SEMA3A: variants seen among roughly 807,000 people sequenced by gnomAD.
SEMA3A encodes the protein semaphorin-3A.
A neutral mutation model predicts 97.9 loss-of-function variants in SEMA3A; 29 were observed. That is an observed-to-expected ratio of 0.30 (90% CI 0.22 to 0.40). SEMA3A has a LOEUF of 0.40. Among genes scored for constraint, SEMA3A ranks in the 10% least tolerant of loss-of-function variants. The pLI, the probability that SEMA3A is intolerant of heterozygous loss-of-function variation, is 1.00. For missense variants in SEMA3A, 763 were observed against 951.3 expected (o/e 0.80, Z 2.60); for synonymous variants, 321 against 323.7 (o/e 0.99, Z 0.09).
At chr7:84,429,910 T>C (rs996539074) in intron 1 of SEMA3A, among the ~76,000 whole-genome samples, 1 of 151,866 alleles carries the variant, frequency 6.6e-6, no homozygotes, top group African/African-American at 2.4e-5. Flanking sequence ...AATACCAACA[T>C]GTTAATCATC....
At chr7:84,475,882 T>C (rs1424274749) in intron 1 of SEMA3A, among the ~76,000 whole-genome samples, 1 of 152,210 alleles carries the variant, frequency 6.6e-6, no homozygotes, top group African/African-American at 2.4e-5. Flanking sequence ...ACTGGTTTTG[T>C]TGTCATGGTA....
intron 1 of SEMA3A, among the ~76,000 whole-genome samples, chr7:84,156,847 TA>T (rs1444570072): frequency 2.6e-5 from 4 of 152,190 alleles, no homozygotes; most frequent in African/African-American, 9.7e-5. Context: ...GAACTCTGTA[TA>T]ACATTATCAA....
At chr7:84,033,094 T>C (rs1389955327) in intron 6 of SEMA3A, among the ~76,000 whole-genome samples, 1 of 152,144 alleles carries the variant, frequency 6.6e-6, no homozygotes, top group Non-Finnish European at 1.5e-5. Flanking sequence ...GTTTTATAAC[T>C]ATTTATTATT....
chr7:84,035,646 G>A (rs1007484247), intron 6 of SEMA3A, among the ~76,000 whole-genome samples: 22 of 151,784 alleles, frequency 1.4e-4, no homozygotes, highest in African/African-American at 4.1e-4. Context: ...ATCATTTTTC[G>A]TGTGGCTTTT....
At chr7:84,209,537 C>T (rs560801604) in intron 3 of SEMA3A, among the ~76,000 whole-genome samples, 4 of 152,082 alleles carry the variant, frequency 2.6e-5, no homozygotes, top group Admixed American at 2.0e-4. Flanking sequence ...AGATAAATTC[C>T]ACCTTCTGTT....
chr7:84,230,444 C>A (rs1279116323), intron 3 of SEMA3A, among the ~76,000 whole-genome samples: 1 of 152,022 alleles, frequency 6.6e-6, no homozygotes, highest in African/African-American at 2.4e-5. Flanking sequence ...CAGTTGAACT[C>A]AACTTTAACA....
intron 10 of SEMA3A, among the ~76,000 whole-genome samples, chr7:84,006,725 A>G (rs1166907455): frequency 6.6e-6 from 1 of 152,206 alleles, no homozygotes. Context: ...ATTATGAGAG[A>G]TTCTTGATCT....
At chr7:84,487,692 T>C (rs1177913706) in intron 1 of SEMA3A, among the ~76,000 whole-genome samples, 3 of 152,184 alleles carry the variant, frequency 2.0e-5, no homozygotes, top group Non-Finnish European at 2.9e-5. Context: ...AGTCCACTGT[T>C]TTTAAGTAAT....
intron 3 of SEMA3A, among the ~76,000 whole-genome samples, chr7:84,119,055 T>C (rs917300921): frequency 3.3e-5 from 5 of 152,166 alleles, no homozygotes; most frequent in Non-Finnish European, 5.9e-5. Flanking sequence ...CTAAAGGTCA[T>C]TAGTTAATAA....
rs113099161 is a variant in SEMA3A, at chr7:84,301,540, G to C, written c.-83+5667C>G. On this transcript the variant is annotated intron_variant, in intron 3 of 3. Coordinates refer to the SEMA3A transcript ENST00000424555. ...TGCAAATTAAAGACCTATTTGGATAGCACCACATACACATTAAAGATTCAT... is the reference window on the plus strand; with the variant it reads ...TGCAAATTAAAGACCTATTTGGATACCACCACATACACATTAAAGATTCAT... Among the ~76,000 whole-genome samples the C allele has an allele frequency of 3.3e-5, 5 of 152,228 alleles. 1 individual carries two copies. The highest frequency in any genetic ancestry group is 1.2e-4 in the African/African-American group (5 of 41,556).
intron 3 of SEMA3A, among the ~76,000 whole-genome samples, chr7:84,300,971 C>G (rs1042435416): frequency 2.0e-5 from 3 of 152,032 alleles, no homozygotes; most frequent in African/African-American, 7.2e-5. Flanking sequence ...AGAGTATGTT[C>G]TCTGACCATA....
intron 11 of SEMA3A, among the ~76,000 whole-genome samples, chr7:84,003,221 C>T (rs148121513): frequency 5.3e-4 from 81 of 152,194 alleles, no homozygotes; most frequent in African/African-American, 1.9e-3. Flanking sequence ...AAAAAGTACA[C>T]TTTTAAGAAG....
intron 3 of SEMA3A, among the ~76,000 whole-genome samples, chr7:84,300,032 C>CAAAAAAAAAAA (rs58929555): frequency 3.4e-4 from 18 of 53,138 alleles, no homozygotes; most frequent in Admixed American, 6.2e-4. Flanking sequence ...GACTCAGTCA[C>CAAAAAAAAAAA]AAAAAAAAAA....
intron 1 of SEMA3A, among the ~76,000 whole-genome samples, chr7:84,177,382 G>C (rs916383416): frequency 1.3e-5 from 2 of 151,992 alleles, no homozygotes; most frequent in Admixed American, 1.3e-4. Context: ...TATCACCTCT[G>C]TTCTTTACCT....
intron 2 of SEMA3A, among the ~76,000 whole-genome samples, chr7:84,325,534 T>C (rs1801755358): frequency 1.3e-5 from 2 of 151,756 alleles, no homozygotes; most frequent in Non-Finnish European, 2.9e-5. Flanking sequence ...AGGAAGGCCA[T>C]GTGGCTGCAG....
At chr7:84,203,520 A>ATTTTTTT (rs1158876783) in intron 3 of SEMA3A, among the ~76,000 whole-genome samples, 5 of 50,194 alleles carry the variant, frequency 1.0e-4, no homozygotes, top group African/African-American at 3.0e-4. Context: ...ATATATATAT[A>ATTTTTTT]TATATATTTT....
intron 4 of SEMA3A, among the ~76,000 whole-genome samples, chr7:84,063,708 A>T (rs1459315321): frequency 6.6e-6 from 1 of 150,814 alleles, no homozygotes; most frequent in Non-Finnish European, 1.5e-5. Flanking sequence ...GCGAGAAGGG[A>T]AGTTTAGAGA....
intron 1 of SEMA3A, among the ~76,000 whole-genome samples, chr7:84,461,942 G>A (rs1473995664): frequency 6.6e-6 from 1 of 152,100 alleles, no homozygotes; most frequent in Non-Finnish European, 1.5e-5. Context: ...GAGGTTTTAG[G>A]AAGATTCTAC....
chr7:84,343,031 A>G (rs549564278), intron 2 of SEMA3A, among the ~76,000 whole-genome samples: 4 of 152,212 alleles, frequency 2.6e-5, no homozygotes, highest in Non-Finnish European at 5.9e-5. Flanking sequence ...GTACACTTTC[A>G]TTTAATTCTC....
Sources: gnomAD v4.1 joint callset for allele counts (sites outside exome capture counted in the v4.1 genomes callset) on GRCh38, gnomAD v4.1.1 for gene constraint, MANE v1.5 for transcripts, NCBI Gene and HGNC (gene_info 2026-07-23, HGNC 2026-07-21) for gene names.